The following PPP2R3A variants were observed in gnomAD, a reference collection of about 807,000 sequenced individuals.
PPP2R3A encodes serine/threonine-protein phosphatase 2A regulatory subunit B'' subunit alpha.
PPP2R3A carries 80 observed loss-of-function variants against 106.9 expected under a neutral mutation model. That is an observed-to-expected ratio of 0.75 (90% confidence interval 0.62 to 0.90). The LOEUF is 0.90. Ranked by LOEUF, PPP2R3A falls within the 40% of genes least tolerant of loss-of-function variation. The pLI, the probability that PPP2R3A is intolerant of heterozygous loss-of-function variation, is 0.00. For missense variants in PPP2R3A, 1,386 were observed against 1,350.4 expected (o/e 1.03, Z -0.41); for synonymous variants, 483 against 468.3 (o/e 1.03, Z -0.41).
intron 2 of PPP2R3A, among the ~76,000 whole-genome samples, chr3:136,010,783 C>CTCCCA (rs983125467): frequency 5.5e-4 from 84 of 152,268 alleles, no homozygotes; most frequent in African/African-American, 1.8e-3. Flanking sequence ...ATACCATCCC[C>CTCCCA]TCCCATCAAC....
rs537712509 is a variant in PPP2R3A, at chr3:136,125,571, C to T, written c.3329+19249C>T. Among the ~76,000 whole-genome samples, 9 of 151,702 alleles carry T rather than the reference C, an allele frequency of 5.9e-5. No homozygotes were observed. In the South Asian group the frequency reaches 1.5e-3, roughly 25 times the overall value. On this transcript the variant is annotated intron_variant, in intron 13 of 13. Coordinates refer to ENST00000264977, the MANE Select transcript of PPP2R3A (RefSeq NM_002718.5). ...AACTACAAATCAATATTCCAGCCAC[C>T]CGTGGTGGCTCACGCCTGTAATCCT...
At chr3:136,101,931 T>C in intron 10 of PPP2R3A, 76 bp from the exon 11 acceptor site, 2 of 1,427,146 alleles carry the variant, frequency 1.4e-6, no homozygotes, top group Non-Finnish European at 1.9e-6. Context: ...ACTTTTACTT[T>C]AAAAGAAACA....
chr3:136,119,360 A>G (rs1937904074), intron 13 of PPP2R3A, among the ~76,000 whole-genome samples: 2 of 152,246 alleles, frequency 1.3e-5, no homozygotes, highest in Admixed American at 6.5e-5. Context: ...AAAAGCCAAA[A>G]TTGACAAATG....
At chr3:136,037,577 G>A (rs1389940276) in intron 3 of PPP2R3A, among the ~76,000 whole-genome samples, 4 of 152,272 alleles carry the variant, frequency 2.6e-5, no homozygotes, top group Admixed American at 1.3e-4. Context: ...TGGCCTGGAA[G>A]GTAGCCTCTC....
At chr3:136,141,576 A>C (rs1295173009) in intron 13 of PPP2R3A, among the ~76,000 whole-genome samples, 1 of 152,246 alleles carries the variant, frequency 6.6e-6, no homozygotes, top group Non-Finnish European at 1.5e-5. Context: ...CATCTGAATC[A>C]GAGATGTGGT....
intron 5 of PPP2R3A, among the ~76,000 whole-genome samples, chr3:136,052,385 T>A (rs1935715320): frequency 6.6e-6 from 1 of 152,176 alleles, no homozygotes; most frequent in Non-Finnish European, 1.5e-5. Context: ...ATACAGCTTC[T>A]GCTGGACAGC....
chr3:136,111,131 G>A (rs1559926411), intron 13 of PPP2R3A, among the ~76,000 whole-genome samples: 1 of 152,098 alleles, frequency 6.6e-6, no homozygotes, highest in African/African-American at 2.4e-5. Context: ...GATCCTAGAG[G>A]AAACAGTGGG....
chr3:136,083,141 G>T (rs1206170526), intron 8 of PPP2R3A, among the ~76,000 whole-genome samples: 2 of 152,212 alleles, frequency 1.3e-5, no homozygotes, highest in East Asian at 3.9e-4. Context: ...CAGCCCCTAA[G>T]TAGCTGGGAC....
chr3:136,087,301 C>CTCTCTCTCTCTCTCTCTCT (rs1357086259), intron 8 of PPP2R3A, among the ~76,000 whole-genome samples: 1 of 146,146 alleles, frequency 6.8e-6, no homozygotes, highest in Non-Finnish European at 1.5e-5. Flanking sequence ...CTCTCTCTCA[C>CTCTCTCTCTCTCTCTCTCT]CAACATGCTA....
At chr3:136,021,037 G>C (rs947802532) in intron 2 of PPP2R3A, among the ~76,000 whole-genome samples, 26 of 152,044 alleles carry the variant, frequency 1.7e-4, no homozygotes, top group Non-Finnish European at 4.4e-5. Flanking sequence ...CTCAGGAAAG[G>C]AATGAACCTA....
intron 13 of PPP2R3A, among the ~76,000 whole-genome samples, chr3:136,126,816 G>A (rs1938199157): frequency 1.3e-5 from 2 of 152,164 alleles, no homozygotes; most frequent in South Asian, 4.1e-4. Flanking sequence ...AGCAATATTT[G>A]CCAATCTGTA....
At chr3:136,141,463 A>C (rs1938870118) in intron 13 of PPP2R3A, among the ~76,000 whole-genome samples, 1 of 152,196 alleles carries the variant, frequency 6.6e-6, no homozygotes, top group African/African-American at 2.4e-5. Flanking sequence ...TAAGCAAGGG[A>C]GTGATATAAT....
intron 13 of PPP2R3A, among the ~76,000 whole-genome samples, chr3:136,108,120 G>A (rs2107977865): frequency 1.3e-5 from 2 of 152,242 alleles, no homozygotes; most frequent in South Asian, 4.1e-4. Context: ...GGCTGAGGTG[G>A]GAGGATCACT....
At chr3:136,044,409 C>G (rs918124947) in intron 4 of PPP2R3A, among the ~76,000 whole-genome samples, 2 of 151,946 alleles carry the variant, frequency 1.3e-5, no homozygotes, top group Admixed American at 6.6e-5. Context: ...CTGTAAGGAG[C>G]TTACAGTCTA....
At chr3:136,061,926 C>CAG in intron 5 of PPP2R3A, among the ~76,000 whole-genome samples, 1 of 84,146 alleles carries the variant, frequency 1.2e-5, no homozygotes, top group South Asian at 4.4e-4. Context: ...GACTCTATCT[C>CAG]AAAAAAAAAA....
chr3:135,968,763 T>G (rs1187480059), intron 1 of PPP2R3A, among the ~76,000 whole-genome samples: 1 of 152,232 alleles, frequency 6.6e-6, no homozygotes, highest in Admixed American at 6.5e-5. Context: ...TGTAGACATT[T>G]TTTGTGGGCA....
intron 1 of PPP2R3A, among the ~76,000 whole-genome samples, chr3:135,983,176 T>A (rs1296567036): frequency 6.6e-6 from 1 of 152,222 alleles, no homozygotes; most frequent in Non-Finnish European, 1.5e-5. Flanking sequence ...CTCAAAGTAA[T>A]CTGCATTTTC....
intron 13 of PPP2R3A, among the ~76,000 whole-genome samples, chr3:136,143,960 G>A (rs759158536): frequency 2.6e-5 from 4 of 152,136 alleles, no homozygotes; most frequent in Non-Finnish European, 5.9e-5. Flanking sequence ...TCCCTGCAAG[G>A]GCTAAGCCAG....
At chr3:136,072,227 T>C (rs34683314) in intron 6 of PPP2R3A, among the ~76,000 whole-genome samples, 50,373 of 151,968 alleles carry the variant, frequency 0.33, 9,197 homozygotes, top group African/African-American at 0.49. Context: ...ATGTCCTCAG[T>C]ACCTAGAATA....
Sources: allele counts gnomAD v4.1 joint callset (sites outside exome capture counted in the v4.1 genomes callset), GRCh38; gene constraint gnomAD v4.1.1; transcripts MANE v1.5; gene names NCBI Gene and HGNC (gene_info 2026-07-23, HGNC 2026-07-21).